The following CDK10 variants were observed in gnomAD, a reference collection of about 807,000 sequenced individuals.
CDK10 encodes the protein cyclin dependent kinase 10.
CDK10 carries 55 observed loss-of-function variants against 51.0 expected under a neutral mutation model. The observed-to-expected ratio is 1.08, with a 90% confidence interval of 0.87 to 1.35. The LOEUF is 1.35. Ranked by LOEUF, CDK10 falls within the 40% of genes most tolerant of loss-of-function variation. The pLI is 0.00. For missense variants in CDK10, 589 were observed against 485.1 expected, an observed-to-expected ratio of 1.21 and a Z score of -2.01; for synonymous variants, 255 against 199.1, an observed-to-expected ratio of 1.28 and a Z score of -2.36.
At chr16:89,690,388 C>G (rs775034496) in intron 2 of CDK10, 165 bp from the exon 3 acceptor site, 5 of 644,262 alleles carry the variant, frequency 7.8e-6, no homozygotes, top group Non-Finnish European at 1.1e-5. Flanking sequence ...GAACGCGTCT[C>G]GGGCTAGGGG....
chr16:89,694,846 AGCCCCCGCCCGTGCCCACGCCCTC>A (rs2060631919), intron 10 of CDK10, 58 bp downstream of exon 10: 13 of 1,490,342 alleles, frequency 8.7e-6, no homozygotes, highest in Non-Finnish European at 1.2e-5. Flanking sequence ...CTGCGCCCGC[AGCCCCCGCCCGTGCCCACGCCCTC>A]TGCGCCCGCA....
At chr16:89,688,350 G>A (rs1367121345) in intron 1 of CDK10, among the ~76,000 whole-genome samples, 1 of 152,100 alleles carries the variant, frequency 6.6e-6, no homozygotes, top group African/African-American at 2.4e-5. Flanking sequence ...CTAAAGTGCT[G>A]GGATTACAGG....
Position 89,696,126 on chromosome 16 carries a change from G to T in CDK10, c.*434G>T. Reference sequence around the variant, plus strand: ...TCGCCCGGGGCTGTCCCGTGCATGGGTTGGCTGTGGGGACCCCAGGTGGGC... The same window carrying T: ...TCGCCCGGGGCTGTCCCGTGCATGGTTTGGCTGTGGGGACCCCAGGTGGGC... On this transcript the variant is annotated 3_prime_UTR_variant, in exon 13 of 13. Transcript: ENST00000353379. The T allele has an allele frequency of 2.4e-6, 1 of 408,238 alleles. No homozygotes were observed. The highest frequency in any genetic ancestry group is 4.6e-6 in the Non-Finnish European group (1 of 218,522). The allele number at this position is 408,238 out of a possible 1,614,324, so 25.3% of individuals were successfully genotyped here. A position where few individuals can be genotyped will look rare whatever the true frequency, so the allele number is the denominator to read the frequency against.
In CDK10 at chr16:89,691,774, G is replaced by A. The variant is rs113616384; in HGVS notation, c.336-32G>A. The A allele has an allele frequency of 9.4e-5, 150 of 1,599,064 alleles. 1 individual carries two copies. In the African/African-American group the frequency reaches 1.5e-3, roughly 16 times the overall value. Reference sequence around the variant, plus strand: ...CACTTCCACCCCTTAGGAGAAGGCCGGAGAGTGGCATGCATCTTCTGTTTC... The same window carrying A: ...CACTTCCACCCCTTAGGAGAAGGCCAGAGAGTGGCATGCATCTTCTGTTTC... On this transcript the variant is annotated intron_variant, in intron 4 of 12. Transcript: ENST00000353379.
chr16:89,695,058 A>G lies in CDK10; in HGVS notation c.920A>G (p.Asp307Gly), dbSNP rs1180679102. The G allele has an allele frequency of 6.2e-7, 1 of 1,612,698 alleles. No homozygotes were observed. Among genetic ancestry groups the G allele is most frequent in the Non-Finnish European group, 8.5e-7 (1 of 1,179,870 alleles). Residue 307 changes from aspartate to glycine, a missense_variant, in exon 11 of 13, where the codon GAC (aspartate) becomes GGC (glycine). Coordinates refer to ENST00000353379, the MANE Select transcript of CDK10 (RefSeq NM_052988.5). The stretch of plus-strand genomic sequence containing the variant: ...CTGCTGCACTTCCTGTTCATGTACG[A>G]CCCTAAGAAAAGGTGCTGATCTCTG... The part of the protein sequence containing the change: ...LRLLHFLFMY[D>G]PKKRATAGDC...
chr16:89,691,379 GCTGGGGTTGGGGCTTCCCCGCCATCA>G (rs2060439627), intron 3 of CDK10, 38 bp from the exon 4 acceptor site: 9 of 1,249,244 alleles, frequency 7.2e-6, no homozygotes, highest in Non-Finnish European at 6.7e-6. Context: ...CCCAAGAGTG[GCTGGGGTTGGGGCTTCCCCGCCATCA>G]CTGGGGTGGG....
rs1296103476 is a variant in CDK10 at position 89,690,578 on chromosome 16, T to A, written c.186T>A (p.Asp62Glu). 1.9e-6 allele frequency: 3 copies of A among 1,612,674 alleles called. No homozygotes were observed. The highest frequency in any genetic ancestry group is 2.5e-6 in the Non-Finnish European group (3 of 1,179,282). Residue 62 changes from aspartate (D) to glutamate (E), a missense_variant, in exon 3 of 13, where the codon GAT becomes GAA. By Grantham distance (45) the Asp-to-Glu change is conservative. Transcript: ENST00000353379. ...IVYRARDTQTDEIVALKKVRM... is the reference protein window; with the variant it reads ...IVYRARDTQTEEIVALKKVRM... ...ATCGGGCCCGGGACACCCAGACAGA[T>A]GAGATTGTCGCACTGAAGAAGGTGC... is the stretch of plus-strand genomic sequence containing the variant.
chr16:89,689,303 G>A lies in CDK10; in HGVS notation c.139G>A (p.Glu47Lys). ...KEFEKLNRIG[E>K]GTYGIVYRAR... Reference sequence around the variant, plus strand: ...GTTTGAGAAGCTGAACCGCATTGGAGAGGGTACCTACGGCATTGTGTGTGA... The same window carrying A: ...GTTTGAGAAGCTGAACCGCATTGGAAAGGGTACCTACGGCATTGTGTGTGA... The change falls in exon 2 of 13, where the codon GAG becomes AAG. Residue 47 changes from glutamate (E) to lysine (K), a missense_variant. Glu to Lys is a moderately conservative substitution (Grantham distance 56, BLOSUM62 1). Transcript: ENST00000353379. 2 of 1,614,100 alleles carry A rather than the reference G, an allele frequency of 1.2e-6. No individual in the cohort carries two copies. The highest frequency in any genetic ancestry group is 1.7e-6 in the Non-Finnish European group (2 of 1,179,980).
intron 10 of CDK10, 44 bp from the exon 11 acceptor site, chr16:89,694,887 G>A (rs1300248287): frequency 2.4e-6 from 3 of 1,244,154 alleles, no homozygotes; most frequent in Non-Finnish European, 3.2e-6. Flanking sequence ...CGCAGCCCCC[G>A]CCCGTGCCCA....
intron 2 of CDK10, chr16:89,689,943 C>G (rs1470671076): frequency 6.5e-6 from 1 of 154,004 alleles, no homozygotes; most frequent in Non-Finnish European, 1.4e-5. Flanking sequence ...CTCGGCCTCC[C>G]AAAGCACTGG....
At chr16:89,686,834 C>G in intron 1 of CDK10, 37 bp downstream of exon 1, 1 of 1,560,944 alleles carries the variant, frequency 6.4e-7, no homozygotes, top group Non-Finnish European at 8.8e-7. Context: ...CTGCCCGCCT[C>G]GCTAGCGGCA....
At position 89,693,132 on chromosome 16, in the gene CDK10, T is replaced by C. The variant is rs1485857106; in HGVS notation, c.486-142T>C. 17 of 661,850 alleles carry C rather than the reference T, an allele frequency of 2.6e-5. 1 individual carries two copies. The African/African-American group carries it at 2.8e-4, about 11-fold the overall frequency. 41.0% of individuals were successfully genotyped at this position (661,850 alleles called of 1,614,324 possible). ...CAGCCTGGGCGACAGAGTGAGACTC[T>C]GTCTCAAAAAAAAAAAAAAAAGATA... On this transcript the variant is annotated intron_variant, in intron 6 of 12. Coordinates refer to ENST00000353379, the MANE Select transcript of CDK10 (RefSeq NM_052988.5).
intron 3 of CDK10, 127 bp downstream of exon 3, chr16:89,690,751 G>A (rs2060408976): frequency 5.0e-6 from 4 of 807,554 alleles, no homozygotes; most frequent in African/African-American, 3.4e-5. Context: ...GAGGGTTCTG[G>A]TGTGGCCCAG....
intron 4 of CDK10, 57 bp from the exon 5 acceptor site, chr16:89,691,749 C>T (rs1394924620): frequency 3.9e-6 from 6 of 1,521,172 alleles, no homozygotes; most frequent in African/African-American, 1.4e-5. Flanking sequence ...GGGGAGGCTC[C>T]ACTTCCACCC....
At chr16:89,687,379 G>T (rs1430419818) in intron 1 of CDK10, 10 of 436,608 alleles carry the variant, frequency 2.3e-5, no homozygotes, top group Non-Finnish European at 4.7e-5. Context: ...TTGGCCGCTG[G>T]TTTGTGTTTT....
chr16:89,692,802 C>G (rs890023623), intron 6 of CDK10: 6 of 296,426 alleles, frequency 2.0e-5, no homozygotes, highest in South Asian at 7.2e-5. Context: ...TTTAAAAGGT[C>G]CAAACATCAA....
chr16:89,692,372 C>T (rs1375901644), intron 5 of CDK10, 77 bp from the exon 6 acceptor site: 1 of 1,124,496 alleles, frequency 8.9e-7, no homozygotes, highest in East Asian at 2.7e-5. Flanking sequence ...GTCCTGCTGG[C>T]CAGTGTGGGT....
chr16:89,694,869 TCTGCGCCCGCAGCCCCCGCCCGTGC>T (rs1318108053), intron 10 of CDK10, 37 bp from the exon 11 acceptor site: 1 of 1,535,482 alleles, frequency 6.5e-7, no homozygotes, highest in Non-Finnish European at 8.8e-7. Flanking sequence ...GCCCACGCCC[TCTGCGCCCGCAGCCCCCGCCCGTGC>T]CCACGCCCTC....
chr16:89,690,358 A>T, intron 2 of CDK10, 195 bp from the exon 3 acceptor site: 1 of 603,316 alleles, frequency 1.7e-6, no homozygotes. Context: ...GCCCAGTTCA[A>T]ATGAGGAAAC....
Sources: allele counts gnomAD v4.1 joint callset (sites outside exome capture counted in the v4.1 genomes callset), GRCh38; gene constraint gnomAD v4.1.1; transcripts MANE v1.5; gene names NCBI Gene and HGNC (gene_info 2026-07-23, HGNC 2026-07-21).